The following HHAT variants were observed in gnomAD, a reference collection of about 807,000 sequenced individuals.
HHAT encodes the protein protein-cysteine N-palmitoyltransferase HHAT.
A neutral mutation model predicts 70.8 loss-of-function variants in HHAT; 47 were observed. That is an observed-to-expected ratio of 0.66 (90% CI 0.53 to 0.85). HHAT has a LOEUF of 0.85. HHAT is among the 40% of genes least tolerant of loss of function. The pLI, the probability that HHAT is intolerant of heterozygous loss-of-function variation, is 0.00. For missense variants in HHAT, 609 were observed against 604.8 expected (o/e 1.01, Z -0.07); for synonymous variants, 228 against 247.6 (o/e 0.92, Z 0.74).
chr1:210,355,019 T>C (rs2087463578), intron 2 of HHAT, among the ~76,000 whole-genome samples: 1 of 152,198 alleles, frequency 6.6e-6, no homozygotes, highest in African/African-American at 2.4e-5. Context: ...TGAAGGTTTG[T>C]GGTTGTCTTC....
chr1:210,361,699 T>C (rs189708016), intron 2 of HHAT, among the ~76,000 whole-genome samples: 1 of 152,258 alleles, frequency 6.6e-6, no homozygotes, highest in African/African-American at 2.4e-5. Context: ...TGATCTGATA[T>C]GCATTAATAT....
At chr1:210,665,244 T>G (rs1241438873) in intron 11 of HHAT, among the ~76,000 whole-genome samples, 1 of 152,238 alleles carries the variant, frequency 6.6e-6, no homozygotes, top group Non-Finnish European at 1.5e-5. Flanking sequence ...AAACTACAAT[T>G]ACTTTTGTTC....
At chr1:210,440,272 A>G (rs3765851) in intron 7 of HHAT, among the ~76,000 whole-genome samples, 69,401 of 151,348 alleles carry the variant, frequency 0.46, 16,287 homozygotes, top group Admixed American at 0.54. Context: ...TAATTCCTGT[A>G]GGAGGAAAGG....
intron 8 of HHAT, among the ~76,000 whole-genome samples, chr1:210,471,419 G>A (rs912079450): frequency 7.9e-5 from 12 of 151,984 alleles, no homozygotes; most frequent in African/African-American, 2.9e-4. Context: ...AGAGATGAGG[G>A]AGAAAGTTAC....
At chr1:210,342,385 A>G (rs1176079908) in intron 1 of HHAT, among the ~76,000 whole-genome samples, 2 of 152,180 alleles carry the variant, frequency 1.3e-5, no homozygotes, top group Non-Finnish European at 2.9e-5. Context: ...TCTTCTTTAC[A>G]GTTCCGACCA....
intron 11 of HHAT, among the ~76,000 whole-genome samples, chr1:210,652,675 A>G (rs867329538): frequency 2.1e-5 from 2 of 95,734 alleles, no homozygotes; most frequent in African/African-American, 4.0e-5. Context: ...GTGTAGATCT[A>G]TAAGAAAAAG....
chr1:210,605,988 C>CT (rs71146236), intron 10 of HHAT, among the ~76,000 whole-genome samples: 122,855 of 151,734 alleles, frequency 0.81, 51,921 homozygotes, highest in East Asian at 0.99. Flanking sequence ...TCCTGAGTAG[C>CT]GGGACTACAG....
chr1:210,410,144 C>G (rs1056103592), intron 6 of HHAT, among the ~76,000 whole-genome samples: 34 of 152,026 alleles, frequency 2.2e-4, no homozygotes, highest in African/African-American at 8.0e-4. Context: ...CCTCCACCTC[C>G]CGGGTTCACG....
Position 210,464,652 on chromosome 1 carries a change from G to C in HHAT, c.1004G>C (p.Trp335Ser). ...ACCATGTTCAGTTTCACCGGGATGTGGAGGTCAGGCGCTGGGATTGCTAAA... is the reference window on the plus strand; with the variant it reads ...ACCATGTTCAGTTTCACCGGGATGTCGAGGTCAGGCGCTGGGATTGCTAAA... Reference protein sequence around the residue: ...VSTMFSFTGMWRYFDVGLHNF... With the variant: ...VSTMFSFTGMSRYFDVGLHNF... Residue 335 changes from tryptophan to serine, a missense_variant, in exon 8 of 12, where the codon TGG (tryptophan) becomes TCG (serine). Coordinates refer to ENST00000261458, the MANE Select transcript of HHAT (RefSeq NM_018194.6). 1.2e-6 allele frequency: 2 copies of C among 1,614,136 alleles called. No homozygotes were observed. Among genetic ancestry groups the C allele is most frequent in the Admixed American group, 1.7e-5 (1 of 60,034 alleles).
At chr1:210,352,167 A>G (rs775160247) in intron 2 of HHAT, among the ~76,000 whole-genome samples, 3 of 152,130 alleles carry the variant, frequency 2.0e-5, no homozygotes, top group Non-Finnish European at 4.4e-5. Context: ...ATAGTACAAA[A>G]CTTTTCTGCA....
intron 10 of HHAT, among the ~76,000 whole-genome samples, chr1:210,593,171 T>G (rs1476579837): frequency 6.6e-6 from 1 of 152,188 alleles, no homozygotes; most frequent in African/African-American, 2.4e-5. Context: ...TTTTTGTATT[T>G]TCATTGTTTC....
intron 1 of HHAT, among the ~76,000 whole-genome samples, chr1:210,333,723 T>C (rs1351357173): frequency 6.6e-6 from 1 of 152,058 alleles, no homozygotes; most frequent in African/African-American, 2.4e-5. Flanking sequence ...AGTGGCATGA[T>C]CTCGGCTCAC....
intron 9 of HHAT, among the ~76,000 whole-genome samples, chr1:210,575,881 G>A (rs1657613702): frequency 6.6e-6 from 1 of 152,166 alleles, no homozygotes; most frequent in South Asian, 2.1e-4. Flanking sequence ...TTGGTCAGGT[G>A]ACTTTTCTAC....
At position 210,399,407 on chromosome 1, in the gene HHAT, C is replaced by A. The variant is rs73071979; in HGVS notation, c.274-1061C>A. On this transcript the variant is annotated intron_variant, in intron 4 of 11. Coordinates refer to ENST00000261458, the MANE Select transcript of HHAT (RefSeq NM_018194.6). ...GGGTAGTTGGGATTACAGTCACCTACCATACCTGGCTAATTTTTGTATTTT... is the reference window on the plus strand; with the variant it reads ...GGGTAGTTGGGATTACAGTCACCTAACATACCTGGCTAATTTTTGTATTTT... 4.3e-3 allele frequency among the ~76,000 whole-genome samples: 658 copies of A among 152,264 alleles called. 4 individuals carry two copies. Among genetic ancestry groups the A allele is most frequent in the African/African-American group, 0.013 (558 of 41,550 alleles).
intron 10 of HHAT, among the ~76,000 whole-genome samples, chr1:210,600,940 C>T (rs185228543): frequency 4.1e-4 from 63 of 152,066 alleles, no homozygotes; most frequent in African/African-American, 1.4e-3. Flanking sequence ...GCCTGGCCTC[C>T]GCCTCTTTGC....
intron 5 of HHAT, among the ~76,000 whole-genome samples, chr1:210,404,251 T>G (rs567159525): frequency 1.3e-5 from 2 of 152,352 alleles, no homozygotes; most frequent in African/African-American, 4.8e-5. Context: ...GCTCATTAAC[T>G]GCTTGCTTTG....
chr1:210,674,493 G>A lies in HHAT; in HGVS notation c.*114G>A. The stretch of plus-strand genomic sequence containing the variant: ...GGATTTGATCTGCTCATCTTCAGTT[G>A]AATGCCCTCACTCCAAGACTGGATG... On this transcript the variant is annotated 3_prime_UTR_variant, in exon 12 of 12. Coordinates refer to ENST00000261458, the MANE Select transcript of HHAT (RefSeq NM_018194.6). The A allele has an allele frequency of 1.4e-6, 1 of 732,222 alleles. No homozygotes were observed. The highest frequency in any genetic ancestry group is 2.3e-6 in the Non-Finnish European group (1 of 435,004). 45.4% of individuals were successfully genotyped at this position (732,222 alleles called of 1,614,324 possible). A position where few individuals can be genotyped will look rare whatever the true frequency, so the allele number is the denominator to read the frequency against.
At chr1:210,447,871 G>C (rs1572508532) in intron 7 of HHAT, among the ~76,000 whole-genome samples, 1 of 152,288 alleles carries the variant, frequency 6.6e-6, no homozygotes, top group East Asian at 1.9e-4. Context: ...CCTAGACACA[G>C]ATCTGTCTCA....
chr1:210,445,913 T>C (rs1320731653), intron 7 of HHAT, among the ~76,000 whole-genome samples: 2 of 152,044 alleles, frequency 1.3e-5, no homozygotes, highest in Non-Finnish European at 2.9e-5. Flanking sequence ...TTAGGGTACA[T>C]GTGCACAACG....
Sources: gnomAD v4.1 joint callset for allele counts (sites outside exome capture counted in the v4.1 genomes callset) on GRCh38, gnomAD v4.1.1 for gene constraint, MANE v1.5 for transcripts, NCBI Gene and HGNC (gene_info 2026-07-23, HGNC 2026-07-21) for gene names.